ATP2A3: variants seen among roughly 807,000 people sequenced by gnomAD.
ATP2A3 encodes sarcoplasmic/endoplasmic reticulum calcium ATPase 3.
Under a neutral mutation model 106.8 loss-of-function variants are expected in ATP2A3, and 61 were observed. The observed-to-expected ratio is 0.57, with a 90% confidence interval of 0.46 to 0.71. The LOEUF is 0.71. Among genes scored for constraint, ATP2A3 ranks in the 30% least tolerant of loss-of-function variants. ATP2A3 has a pLI of 0.00. For missense variants in ATP2A3, 1,201 were observed against 1,423.5 expected, an observed-to-expected ratio of 0.84 and a Z score of 2.52; for synonymous variants, 611 against 609.3, an observed-to-expected ratio of 1.00 and a Z score of -0.04.
chr17:3,947,694 G>C lies in ATP2A3; in HGVS notation c.792C>G (p.Ile264Met). The C allele has an allele frequency of 5.0e-6, 8 of 1,611,808 alleles. No individual in the cohort carries two copies. Among genetic ancestry groups the C allele is most frequent in the Non-Finnish European group, 6.8e-6 (8 of 1,179,900 alleles). ...CCCACACGGCCACGCAGATCACAGAGATGGCGTGGGACAGCTGCCGTCCAA... is the reference window on the plus strand; with the variant it reads ...CCCACACGGCCACGCAGATCACAGACATGGCGTGGGACAGCTGCCGTCCAA... ...DEFGRQLSHAISVICVAVWVI... is the reference protein window; with the variant it reads ...DEFGRQLSHAMSVICVAVWVI... Residue 264 changes from isoleucine (I) to methionine (M), a missense_variant, in exon 8 of 21, where the codon ATC becomes ATG. Ile to Met is a conservative substitution (Grantham distance 10, BLOSUM62 1). Coordinates refer to ENST00000397041, the MANE Select transcript of ATP2A3 (RefSeq NM_005173.4). The surrounding 1 kb of genome is among the most constrained non-coding windows in gnomAD (Gnocchi z 7.7).
At chr17:3,933,051 G>A (rs1310678508) in intron 17 of ATP2A3, among the ~76,000 whole-genome samples, 1 of 151,616 alleles carries the variant, frequency 6.6e-6, no homozygotes, top group African/African-American at 2.4e-5. Context: ...GGAGGCCAAG[G>A]CGGGCAGATC....
At chr17:3,958,964 T>G (rs962948169) in intron 1 of ATP2A3, among the ~76,000 whole-genome samples, 2 of 151,270 alleles carry the variant, frequency 1.3e-5, no homozygotes, top group Non-Finnish European at 2.9e-5. Context: ...CAATCTTGGT[T>G]CACTGCAACC....
rs371232582 is a variant in ATP2A3 at position 3,947,641 on chromosome 17, G to A, written c.845C>T (p.Pro282Leu). 6.2e-6 allele frequency: 10 copies of A among 1,612,230 alleles called. No homozygotes were observed. Among genetic ancestry groups the A allele is most frequent in the South Asian group, 1.1e-5 (1 of 91,086 alleles). The change falls in exon 8 of 21, where the codon CCG (proline) becomes CTG (leucine). Residue 282 changes from proline to leucine, a missense_variant. Transcript: ENST00000397041. This position sits in a 1 kb window ranked among gnomAD's most constrained non-coding sequence, Gnocchi z 7.7. ...WVINIGHFAD[P>L]AHGGSWLRGA... ...ACGCAGCCAGGAGCCACCGTGGGCC[G>A]GGTCGGCGAAGTGGCCGATGTTGAT...
Position 3,951,543 on chromosome 17 carries a change from A to AT in ATP2A3, c.324+37_324+38insA. 2 of 1,387,008 alleles carry AT rather than the reference A, an allele frequency of 1.4e-6. 1 individual carries two copies. Among genetic ancestry groups the AT allele is most frequent in the South Asian group, 2.5e-5 (2 of 80,386 alleles). 85.9% of individuals were successfully genotyped at this position (1,387,008 alleles called of 1,614,324 possible). A position where few individuals can be genotyped will look rare whatever the true frequency, so the allele number is the denominator to read the frequency against. ...GGAGGGCACTCCTAGTGGCTGGGAG[A>AT]CCGCCCCCCGCCCGGTCCCACCCCC... On this transcript the variant is annotated intron_variant, in intron 4 of 20. Coordinates refer to ENST00000397041, the MANE Select transcript of ATP2A3 (RefSeq NM_005173.4).
chr17:3,954,061 C>G (rs1597663617), intron 1 of ATP2A3, among the ~76,000 whole-genome samples: 1 of 152,212 alleles, frequency 6.6e-6, no homozygotes, highest in Middle Eastern at 3.4e-3. Context: ...CTTCCCCCAC[C>G]CAGGTCACAC....
Position 3,959,118 on chromosome 17 carries a change from G to A in ATP2A3, c.118+5056C>T, listed in dbSNP as rs180676365. ...TCACCATGTTGGCCAGGCTGGTTTC[G>A]AACTCCTGATCTCAAGTGATCCACC... On this transcript the variant is annotated intron_variant, in intron 1 of 20. Transcript: ENST00000397041. Among the ~76,000 whole-genome samples the A allele has an allele frequency of 6.0e-4, 91 of 151,904 alleles. 1 individual carries two copies. The East Asian group carries it at 0.014, about 23-fold the overall frequency.
chr17:3,950,670 C>T (rs780885718), intron 6 of ATP2A3, 23 bp downstream of exon 6: 27 of 1,613,498 alleles, frequency 1.7e-5, no homozygotes, highest in Non-Finnish European at 2.0e-5. Flanking sequence ...CACTAGGTCC[C>T]GGCCTCCTGG....
chr17:3,957,765 T>C (rs2054864925), intron 1 of ATP2A3, among the ~76,000 whole-genome samples: 1 of 152,212 alleles, frequency 6.6e-6, no homozygotes, highest in African/African-American at 2.4e-5. Flanking sequence ...CCCCTTGAAA[T>C]GGCGGCCTTG....
At chr17:3,931,488 C>T (rs947930546) in intron 17 of ATP2A3, among the ~76,000 whole-genome samples, 1 of 151,310 alleles carries the variant, frequency 6.6e-6, no homozygotes, top group Admixed American at 6.6e-5. Flanking sequence ...AGATCCTGCT[C>T]TTGGGAGTCT....
rs2054700170 is a variant in ATP2A3, at chr17:3,955,154, T to C, written c.119-1444A>G. Among the ~76,000 whole-genome samples the C allele has an allele frequency of 6.6e-6, 1 of 152,230 alleles. No homozygotes were observed. Among genetic ancestry groups the C allele is most frequent in the African/African-American group, 2.4e-5 (1 of 41,462 alleles). On this transcript the variant is annotated intron_variant, in intron 1 of 20. Transcript: ENST00000397041. The surrounding 1 kb of genome is among the most constrained non-coding windows in gnomAD (Gnocchi z 4.2). ...GACATCTGTGGCATCTCCCCGAAGC[T>C]CGTTAGCCATGCGGAATCTGAGGCC...
At position 3,953,342 on chromosome 17, in the gene ATP2A3, C is replaced by T. The variant is rs1195533095; in HGVS notation, c.219+5G>A. On this transcript the variant is annotated splice_donor_5th_base_variant and intron_variant, in intron 3 of 20. Coordinates refer to ENST00000397041, the MANE Select transcript of ATP2A3 (RefSeq NM_005173.4). This position sits in a 1 kb window ranked among gnomAD's most constrained non-coding sequence, Gnocchi z 5.1. ...CCACAGGATGGCTGGCAGGGCCCTA[C>T]TTACAAAGGAGACAAGGGCAGCCAG... The T allele has an allele frequency of 6.2e-7, 1 of 1,613,802 alleles. No homozygotes were observed. The highest frequency in any genetic ancestry group is 8.5e-7 in the Non-Finnish European group (1 of 1,179,896).
rs1463932055 is a variant in ATP2A3, at chr17:3,941,439, G to A, written c.1761C>T (p.Tyr587=). 1.1e-5 allele frequency: 17 copies of A among 1,614,052 alleles called. 1 individual carries two copies. Among genetic ancestry groups the A allele is most frequent in the South Asian group, 5.5e-5 (5 of 91,084 alleles). The change falls in exon 13 of 21, where the codon TAC becomes TAT. Residue 587 remains tyrosine (Y), a synonymous_variant. Coordinates refer to ENST00000397041, the MANE Select transcript of ATP2A3 (RefSeq NM_005173.4). ...ELDDCSKFVQ[Y]ETDLTFVGCV... Reference sequence around the variant, plus strand: ...GAGAATCGGCTCCTGCACCCACCTCGTACTGCACAAACTTGCTGCAGTCGT... The same window carrying A: ...GAGAATCGGCTCCTGCACCCACCTCATACTGCACAAACTTGCTGCAGTCGT...
At position 3,942,628 on chromosome 17, in the gene ATP2A3, T is replaced by C; in HGVS notation, c.1523A>G (p.Gln508Arg). The change falls in exon 12 of 21, where the codon CAG becomes CGG. Residue 508 changes from glutamine to arginine, a missense_variant. Transcript: ENST00000397041. ...CACCTTCACAAACATCTTGCTGCCC[T>C]GGCCAGTAGGGTGAGGGCGGGTGGG... ...CTPTRPHPTG[Q>R]GSKMFVKGAP... 6.2e-7 allele frequency: 1 copy of C among 1,612,224 alleles called. No individual in the cohort carries two copies. Among genetic ancestry groups the C allele is most frequent in the Non-Finnish European group, 8.5e-7 (1 of 1,179,698 alleles).
In ATP2A3 at chr17:3,953,169, C is replaced by T; in HGVS notation, c.219+178G>A. On this transcript the variant is annotated intron_variant, in intron 3 of 20. Coordinates refer to ENST00000397041, the MANE Select transcript of ATP2A3 (RefSeq NM_005173.4). This position sits in a 1 kb window ranked among gnomAD's most constrained non-coding sequence, Gnocchi z 5.1. ...GGAGCCGGGGACCCAATGTAGGGGC[C>T]ATGAGGGTTCAGGCAAGGGAAGCTG... 2 of 707,660 alleles carry T rather than the reference C, an allele frequency of 2.8e-6. No individual in the cohort carries two copies. The highest frequency in any genetic ancestry group is 3.2e-5 in the South Asian group (2 of 63,276). 43.8% of individuals were successfully genotyped at this position (707,660 alleles called of 1,614,324 possible).
chr17:3,936,494 C>T lies in ATP2A3; in HGVS notation c.2322-25G>A, dbSNP rs1164780373. On this transcript the variant is annotated intron_variant, in intron 15 of 20. Coordinates refer to ENST00000397041, the MANE Select transcript of ATP2A3 (RefSeq NM_005173.4). The surrounding 1 kb of genome is among the most constrained non-coding windows in gnomAD (Gnocchi z 5.4). Reference sequence around the variant, plus strand: ...GCTGGAACAGAGTCATGAGCTCTAGCCCCGGTAGGCCTAGCCCCCGGCAGA... The same window carrying T: ...GCTGGAACAGAGTCATGAGCTCTAGTCCCGGTAGGCCTAGCCCCCGGCAGA... 1 of 1,612,362 alleles carries T rather than the reference C, an allele frequency of 6.2e-7. No homozygotes were observed.
At chr17:3,956,554 C>T (rs896806831) in intron 1 of ATP2A3, among the ~76,000 whole-genome samples, 1 of 152,206 alleles carries the variant, frequency 6.6e-6, no homozygotes, top group Non-Finnish European at 1.5e-5. Flanking sequence ...CTTTAATTTT[C>T]ATGCATTTAA....
At chr17:3,958,861 TATATATATAC>T (rs1439950608) in intron 1 of ATP2A3, among the ~76,000 whole-genome samples, 1 of 120,344 alleles carries the variant, frequency 8.3e-6, no homozygotes, top group Non-Finnish European at 1.7e-5. Flanking sequence ...TATATATATA[TATATATATAC>T]ACACACACAC....
chr17:3,952,752 G>A (rs1163598854), intron 3 of ATP2A3, among the ~76,000 whole-genome samples: 4 of 152,134 alleles, frequency 2.6e-5, no homozygotes, highest in Non-Finnish European at 5.9e-5. Context: ...ACCGCACTCG[G>A]CTAATGTTTT....
At chr17:3,941,921 A>T (rs1260823359) in intron 12 of ATP2A3, among the ~76,000 whole-genome samples, 1 of 152,228 alleles carries the variant, frequency 6.6e-6, no homozygotes, top group African/African-American at 2.4e-5. Flanking sequence ...ACCAGCCCAC[A>T]GCAGACTCGG....
Sources: allele counts gnomAD v4.1 joint callset (sites outside exome capture counted in the v4.1 genomes callset), GRCh38; gene constraint gnomAD v4.1.1; non-coding constraint Gnocchi (gnomAD v3.1); transcripts MANE v1.5; gene names NCBI Gene and HGNC (gene_info 2026-07-23, HGNC 2026-07-21).